Variants in PPP2R3A observed in about 807,000 individuals in gnomAD.
PPP2R3A encodes the protein protein phosphatase 2 regulatory subunit B''alpha.
A neutral mutation model predicts 106.9 loss-of-function variants in PPP2R3A; 80 were observed. The ratio of observed to expected loss-of-function variants is 0.75; its 90% CI spans 0.62 to 0.90. PPP2R3A has a LOEUF of 0.90. Ranked by LOEUF, PPP2R3A falls within the 40% of genes least tolerant of loss-of-function variation. The pLI is 0.00. For synonymous variants in PPP2R3A, 483 were observed against 468.3 expected (o/e 1.03, Z -0.41); for missense variants, 1,386 against 1,350.4 (o/e 1.03, Z -0.41).
chr3:136,016,894 G>A (rs2107808977), intron 2 of PPP2R3A, among the ~76,000 whole-genome samples: 1 of 152,058 alleles, frequency 6.6e-6, no homozygotes, highest in South Asian at 2.1e-4. Context: ...TTTTCATTGT[G>A]TTATTATTTT....
chr3:135,976,734 G>A (rs1019729945), intron 1 of PPP2R3A, among the ~76,000 whole-genome samples: 5 of 152,028 alleles, frequency 3.3e-5, no homozygotes, highest in East Asian at 1.9e-4. Flanking sequence ...CTTATATGGC[G>A]TTTGATTTTA....
rs72981448 is a variant in PPP2R3A at position 135,998,839 on chromosome 3, G to A, written c.-440-2220G>A. Among the ~76,000 whole-genome samples the A allele has an allele frequency of 7.4e-3, 1,120 of 152,264 alleles. 13 individuals are homozygous for A. The highest frequency in any genetic ancestry group is 0.026 in the African/African-American group (1,097 of 41,540). On this transcript the variant is annotated intron_variant, in intron 1 of 13. Coordinates refer to ENST00000264977, the MANE Select transcript of PPP2R3A (RefSeq NM_002718.5). ...CATTTGTGAGATATTGTCAAAGTAA[G>A]TTATAGTATGGTCCAAATTTTGTAA... is the stretch of plus-strand genomic sequence containing the variant.
intron 13 of PPP2R3A, among the ~76,000 whole-genome samples, chr3:136,136,072 A>T (rs1227492740): frequency 0.07 from 1,895 of 27,204 alleles, 121 homozygotes; most frequent in East Asian, 0.14. Flanking sequence ...AAAAAAAAAA[A>T]ATTATATATA....
intron 1 of PPP2R3A, 95 bp from the exon 2 acceptor site, chr3:136,000,964 G>A: frequency 2.6e-6 from 1 of 388,462 alleles, no homozygotes. Flanking sequence ...AGATAATAAA[G>A]CGTGGTGGTT....
At chr3:136,029,861 G>A (rs1165048725) in intron 3 of PPP2R3A, among the ~76,000 whole-genome samples, 8 of 152,106 alleles carry the variant, frequency 5.3e-5, no homozygotes, top group African/African-American at 1.9e-4. Context: ...AGTTCAGGTA[G>A]CAAAGTAAAC....
chr3:136,137,534 A>ATTTTTTTTTTTTTTTCTTTTTT (rs745722404), intron 13 of PPP2R3A, among the ~76,000 whole-genome samples: 1 of 40,528 alleles, frequency 2.5e-5, no homozygotes, highest in Non-Finnish European at 4.7e-5. Context: ...TCTGTCAGAG[A>ATTTTTTTTTTTTTTTCTTTTTT]TTTTTTTTTT....
At chr3:136,053,726 G>A (rs1251335751) in intron 5 of PPP2R3A, among the ~76,000 whole-genome samples, 10 of 152,078 alleles carry the variant, frequency 6.6e-5, no homozygotes, top group Non-Finnish European at 7.4e-5. Context: ...TGGAGATCCC[G>A]GGAGGTCTCA....
intron 1 of PPP2R3A, among the ~76,000 whole-genome samples, chr3:136,000,585 G>C (rs1933582156): frequency 6.6e-6 from 1 of 152,154 alleles, no homozygotes; most frequent in Non-Finnish European, 1.5e-5. Context: ...CAGGTACTAG[G>C]TGTTGGTAGT....
At chr3:136,129,167 T>C (rs1023833416) in intron 13 of PPP2R3A, among the ~76,000 whole-genome samples, 2 of 150,900 alleles carry the variant, frequency 1.3e-5, no homozygotes, top group African/African-American at 4.9e-5. Flanking sequence ...ATAACTAAGA[T>C]TAGAGCAGAA....
intron 7 of PPP2R3A, among the ~76,000 whole-genome samples, chr3:136,080,810 AT>A (rs1232207660): frequency 6.6e-6 from 1 of 152,110 alleles, no homozygotes; most frequent in African/African-American, 2.4e-5. Context: ...AAACTTTATA[AT>A]TTTTACTAGC....
intron 13 of PPP2R3A, among the ~76,000 whole-genome samples, chr3:136,109,009 C>T (rs1284660890): frequency 6.6e-6 from 1 of 152,026 alleles, no homozygotes; most frequent in Non-Finnish European, 1.5e-5. Context: ...CGGAAATGAG[C>T]AGCCATGGTA....
chr3:136,144,093 C>G (rs1469086332), intron 13 of PPP2R3A, among the ~76,000 whole-genome samples: 1 of 152,150 alleles, frequency 6.6e-6, no homozygotes, highest in African/African-American at 2.4e-5. Context: ...ACATCATTTC[C>G]AAGAGAAAAT....
intron 2 of PPP2R3A, chr3:136,023,163 C>A (rs950570896): frequency 6.2e-7 from 1 of 1,613,424 alleles, no homozygotes; most frequent in South Asian, 1.1e-5. Context: ...TCTCCCTTCA[C>A]GGTTTAAGAA....
intron 3 of PPP2R3A, among the ~76,000 whole-genome samples, chr3:136,037,941 T>TAA (rs201691488): frequency 9.1e-5 from 13 of 143,616 alleles, no homozygotes; most frequent in Admixed American, 7.0e-4. Flanking sequence ...TCTTCCTTTG[T>TAA]AAAAAAAAAA....
chr3:136,127,742 A>G (rs1250596417), intron 13 of PPP2R3A, among the ~76,000 whole-genome samples: 2 of 152,224 alleles, frequency 1.3e-5, no homozygotes, highest in Non-Finnish European at 2.9e-5. Context: ...TGAAGGAGAA[A>G]GTGCTAAGGG....
chr3:136,042,515 A>T (rs1041708289), intron 4 of PPP2R3A, among the ~76,000 whole-genome samples: 1 of 152,222 alleles, frequency 6.6e-6, no homozygotes, highest in Non-Finnish European at 1.5e-5. Context: ...AATTTTTTTA[A>T]AAAGAGTGTA....
At position 136,146,985 on chromosome 3, in the gene PPP2R3A, T is replaced by C. The variant is rs1194744102; in HGVS notation, c.*1819T>C. The stretch of plus-strand genomic sequence containing the variant: ...TAAAAATTCAATTTTACAATATACA[T>C]TTTTTTTTTTAACTATTTGGCTTTA... On this transcript the variant is annotated 3_prime_UTR_variant, in exon 14 of 14. Coordinates refer to ENST00000264977, the MANE Select transcript of PPP2R3A (RefSeq NM_002718.5). The C allele has an allele frequency of 1.4e-5, 2 of 138,288 alleles. No homozygotes were observed. Among genetic ancestry groups the C allele is most frequent in the Non-Finnish European group, 3.1e-5 (2 of 65,388 alleles). 8.6% of individuals were successfully genotyped at this position (138,288 alleles called of 1,614,324 possible). A position where few individuals can be genotyped will look rare whatever the true frequency, so the allele number is the denominator to read the frequency against.
At chr3:136,087,245 G>GTCTCTCTC (rs34566151) in intron 8 of PPP2R3A, among the ~76,000 whole-genome samples, 4,476 of 75,032 alleles carry the variant, frequency 0.06, 589 homozygotes, top group East Asian at 0.09. Flanking sequence ...CTCTAGTCGT[G>GTCTCTCTC]TCTCTCTCTC....
chr3:136,082,210 G>T, intron 7 of PPP2R3A, 55 bp from the exon 8 acceptor site: 1 of 1,454,074 alleles, frequency 6.9e-7, no homozygotes, highest in Non-Finnish European at 9.5e-7. Flanking sequence ...ACTCTGCACA[G>T]TGGCCAAAGC....
Sources: allele counts gnomAD v4.1 joint callset (sites outside exome capture counted in the v4.1 genomes callset), GRCh38; gene constraint gnomAD v4.1.1; transcripts MANE v1.5; gene names NCBI Gene and HGNC (gene_info 2026-07-23, HGNC 2026-07-21).